Variants in TP63 observed in about 807,000 individuals in gnomAD.
TP63 encodes the protein tumor protein p63.
Under a neutral mutation model 82.8 loss-of-function variants are expected in TP63, and 17 were observed. The observed-to-expected ratio is 0.21, with a 90% CI of 0.14 to 0.31. TP63 has a LOEUF of 0.31. Among genes scored for constraint, TP63 ranks in the 10% least tolerant of loss-of-function variants. The pLI, the probability that TP63 is intolerant of heterozygous loss-of-function variation, is 1.00. For missense variants in TP63, 648 were observed against 895.3 expected, an observed-to-expected ratio of 0.72 and a Z score of 3.52; for synonymous variants, 330 against 321.7, an observed-to-expected ratio of 1.03 and a Z score of -0.28.
chr3:189,775,506 CT>C lies in TP63; in HGVS notation c.325-32764del, dbSNP rs1360188418. On this transcript the variant is annotated intron_variant, in intron 3 of 13. Transcript: ENST00000264731. ...CATGTTTTCTCTCTCCTTGTTTTCA[CT>C]TAGTTTTGTCTTTCTATTTGATTGC... Among the ~76,000 whole-genome samples, 58 of 152,260 alleles carry C rather than the reference CT, an allele frequency of 3.8e-4. 1 individual carries two copies. The highest frequency in any genetic ancestry group is 1.2e-3 in the South Asian group (6 of 4,824).
Position 189,659,260 on chromosome 3 carries a change from C to T in TP63, c.62+27683C>T, listed in dbSNP as rs568500648. Among the ~76,000 whole-genome samples, 3 of 152,016 alleles carry T rather than the reference C, an allele frequency of 2.0e-5. No individual in the cohort carries two copies. The South Asian group carries it at 6.2e-4, about 32-fold the overall frequency. ...GTGTCTACTGTTGCCATCTTTATGTCCCCGTATACCCAATGATTAGCTCCC... is the reference window on the plus strand; with the variant it reads ...GTGTCTACTGTTGCCATCTTTATGTTCCCGTATACCCAATGATTAGCTCCC... On this transcript the variant is annotated intron_variant, in intron 1 of 13. Transcript: ENST00000264731.
chr3:189,701,238 G>C (rs532986299), intron 1 of TP63, among the ~76,000 whole-genome samples: 1 of 152,096 alleles, frequency 6.6e-6, no homozygotes, highest in African/African-American at 2.4e-5. Flanking sequence ...ACTCCAGTAC[G>C]TGCTCCTCAA....
At chr3:189,741,362 C>T (rs933659791) in intron 3 of TP63, among the ~76,000 whole-genome samples, 2 of 152,110 alleles carry the variant, frequency 1.3e-5, no homozygotes, top group Admixed American at 6.5e-5. Flanking sequence ...GGTAAACTTA[C>T]CCAGGATGTT....
chr3:189,886,316 C>A, intron 10 of TP63, 78 bp from the exon 11 acceptor site: 1 of 1,500,450 alleles, frequency 6.7e-7, no homozygotes, highest in South Asian at 1.1e-5. Flanking sequence ...ATGTTTTAAA[C>A]AGAGACCTGT....
At chr3:189,837,869 C>G (rs1713382199) in intron 4 of TP63, among the ~76,000 whole-genome samples, 1 of 152,116 alleles carries the variant, frequency 6.6e-6, no homozygotes, top group South Asian at 2.1e-4. Context: ...AAGCAATCCT[C>G]CCGTCTTGGC....
At chr3:189,738,501 C>A in intron 2 of TP63, 141 bp from the exon 3 acceptor site, 1 of 1,242,270 alleles carries the variant, frequency 8.0e-7, no homozygotes, top group Non-Finnish European at 1.1e-6. Context: ...TGAGCCAGGA[C>A]TCAAACCTAG....
chr3:189,733,148 G>A (rs1720296923), intron 1 of TP63, among the ~76,000 whole-genome samples: 1 of 151,930 alleles, frequency 6.6e-6, no homozygotes, highest in Non-Finnish European at 1.5e-5. Context: ...AAGAACCTAG[G>A]GATAAAAGCA....
In TP63 at chr3:189,737,751, C is replaced by T; in HGVS notation, c.74C>T (p.Thr25Ile). ...TTTGTCCTTTTAAGTTTCGTAGAAA[C>T]CCCAGCTCATTTCTCTTGGAAAGAA... ...PDPYIQRFVE[T>I]PAHFSWKESY... The change falls in exon 2 of 14, where the codon ACC (threonine) becomes ATC (isoleucine). Residue 25 changes from threonine (T) to isoleucine (I), a missense_variant. Physicochemically the swap from Thr to Ile is moderately conservative, Grantham distance 89. This residue lies in a region of TP63 where 182 missense variants were observed against 213.6 expected (regional missense o/e 0.85). Coordinates refer to ENST00000264731, the MANE Select transcript of TP63 (RefSeq NM_003722.5). 1 of 1,613,850 alleles carries T rather than the reference C, an allele frequency of 6.2e-7. No homozygotes were observed. Among genetic ancestry groups the T allele is most frequent in the Non-Finnish European group, 8.5e-7 (1 of 1,179,822 alleles).
At chr3:189,784,096 T>A (rs1724420540) in intron 3 of TP63, among the ~76,000 whole-genome samples, 1 of 152,058 alleles carries the variant, frequency 6.6e-6, no homozygotes, top group South Asian at 2.1e-4. Context: ...ACTTTCATTT[T>A]TTATTTGTAT....
chr3:189,751,831 C>T (rs1721846159), intron 3 of TP63, among the ~76,000 whole-genome samples: 1 of 152,076 alleles, frequency 6.6e-6, no homozygotes, highest in African/African-American at 2.4e-5. Flanking sequence ...TTAATTAGAT[C>T]CTATTTGTCA....
chr3:189,840,372 T>C (rs1577076578), intron 4 of TP63, among the ~76,000 whole-genome samples: 1 of 147,036 alleles, frequency 6.8e-6, no homozygotes, highest in Admixed American at 6.8e-5. Context: ...TTTTTTTTTT[T>C]TTTTTTTTTT....
rs141506310 is a variant in TP63, at chr3:189,835,506, T to C, written c.579+26980T>C. Among the ~76,000 whole-genome samples the C allele has an allele frequency of 3.7e-3, 570 of 152,296 alleles. 5 individuals are homozygous for C. Among genetic ancestry groups the C allele is most frequent in the African/African-American group, 0.013 (522 of 41,560 alleles). ...TACCAGCCTCCTGGTGTCTCAGATA[T>C]AATTAACATAATGAAAGCATTGCAA... On this transcript the variant is annotated intron_variant, in intron 4 of 13. Transcript: ENST00000264731.
intron 1 of TP63, among the ~76,000 whole-genome samples, chr3:189,656,725 A>G (rs1214395884): frequency 6.6e-6 from 1 of 152,146 alleles, no homozygotes; most frequent in Non-Finnish European, 1.5e-5. Flanking sequence ...GGGACAAAAA[A>G]CAGATTTCCA....
rs181723441 is a variant in TP63, at chr3:189,698,063, A to G, written c.63-39677A>G. Among the ~76,000 whole-genome samples, 265 of 152,226 alleles carry G rather than the reference A, an allele frequency of 1.7e-3. 1 individual carries two copies. Among genetic ancestry groups the G allele is most frequent in the Non-Finnish European group, 2.8e-3 (193 of 67,984 alleles). On this transcript the variant is annotated intron_variant, in intron 1 of 13. Transcript: ENST00000264731. The stretch of plus-strand genomic sequence containing the variant: ...CTTCACTATTTAGGGCTTCCAGGAC[A>G]ATGTTGAATAGGACTGGTGATAAAA...
At chr3:189,878,737 C>G (rs1719559211) in intron 10 of TP63, among the ~76,000 whole-genome samples, 1 of 147,178 alleles carries the variant, frequency 6.8e-6, no homozygotes, top group African/African-American at 2.5e-5. Flanking sequence ...CTACAGTTTA[C>G]TTTTGAATTT....
chr3:189,833,045 A>T (rs761486962), intron 4 of TP63, among the ~76,000 whole-genome samples: 1 of 152,224 alleles, frequency 6.6e-6, no homozygotes, highest in Non-Finnish European at 1.5e-5. Context: ...TATCTTATTG[A>T]TAGAGAGTAA....
chr3:189,659,216 C>T (rs1192801362), intron 1 of TP63, among the ~76,000 whole-genome samples: 1 of 151,966 alleles, frequency 6.6e-6, no homozygotes, highest in Non-Finnish European at 1.5e-5. Context: ...TCTCTCATTC[C>T]CCACTCTAGT....
intron 3 of TP63, among the ~76,000 whole-genome samples, chr3:189,748,508 C>CAAAA (rs58926854): frequency 0.012 from 373 of 31,232 alleles, 2 homozygotes; most frequent in Non-Finnish European, 0.016. Flanking sequence ...AGGAAAACTA[C>CAAAA]AAAAAAAAAA....
rs149649602 is a variant in TP63, at chr3:189,724,413, G to T, written c.63-13327G>T. 5.2e-3 allele frequency among the ~76,000 whole-genome samples: 790 copies of T among 152,248 alleles called. 7 individuals are homozygous for T. Among genetic ancestry groups the T allele is most frequent in the African/African-American group, 0.018 (738 of 41,548 alleles). ...TTTTAGAGGTGATTTGTGAGATTCTGCTGCGCTCATCCCCCAAGTAGTATA... is the reference window on the plus strand; with the variant it reads ...TTTTAGAGGTGATTTGTGAGATTCTTCTGCGCTCATCCCCCAAGTAGTATA... On this transcript the variant is annotated intron_variant, in intron 1 of 13. Coordinates refer to ENST00000264731, the MANE Select transcript of TP63 (RefSeq NM_003722.5).
Sources: allele counts gnomAD v4.1 joint callset (sites outside exome capture counted in the v4.1 genomes callset), GRCh38; gene constraint gnomAD v4.1.1; regional missense constraint gnomAD v4.1.1; transcripts MANE v1.5; gene names NCBI Gene and HGNC (gene_info 2026-07-23, HGNC 2026-07-21).